CCNE2: variants seen among roughly 807,000 people sequenced by gnomAD.
The protein encoded by CCNE2 is cyclin E2.
In CCNE2, 18 loss-of-function variants were observed where a neutral mutation model predicts 56.8. The ratio of observed to expected loss-of-function variants is 0.32; its 90% CI spans 0.22 to 0.47. CCNE2 has a LOEUF of 0.47. Among genes scored for constraint, CCNE2 ranks in the 20% least tolerant of loss-of-function variants. The pLI is 1.00. For missense variants in CCNE2, 371 were observed against 467.1 expected, an observed-to-expected ratio of 0.79 and a Z score of 1.90; for synonymous variants, 139 against 149.2, an observed-to-expected ratio of 0.93 and a Z score of 0.50.
Position 94,880,430 on chromosome 8 carries a change from C to T in CCNE2, c.*1202G>A. ...CGTAACAATAAATGTATAGTTTCTT[C>T]AAAGGGAGAAGAGATTCACATATCT... On this transcript the variant is annotated 3_prime_UTR_variant, in exon 12 of 12. Coordinates refer to ENST00000308108, the MANE Select transcript of CCNE2 (RefSeq NM_057749.3). 2.8e-6 allele frequency: 1 copy of T among 362,580 alleles called. No homozygotes were observed. The highest frequency in any genetic ancestry group is 4.9e-6 in the Non-Finnish European group (1 of 203,350). 22.5% of individuals were successfully genotyped at this position (362,580 alleles called of 1,614,324 possible).
In CCNE2 at chr8:94,881,366, A is replaced by AT; in HGVS notation, c.*265_*266insA. On this transcript the variant is annotated 3_prime_UTR_variant, in exon 12 of 12. Coordinates refer to ENST00000308108, the MANE Select transcript of CCNE2 (RefSeq NM_057749.3). ...AAGGAAAAACATTGCTATGGTATAG[A>AT]CTGTGGTTGGCTTCTATCCAGTAAC... 1 of 500,792 alleles carries AT rather than the reference A, an allele frequency of 2.0e-6. No individual in the cohort carries two copies. The highest frequency in any genetic ancestry group is 3.5e-6 in the Non-Finnish European group (1 of 283,746). 31.0% of individuals were successfully genotyped at this position (500,792 alleles called of 1,614,324 possible).
chr8:94,885,660 A>C, intron 7 of CCNE2, 102 bp from the exon 8 acceptor site: 1 of 523,298 alleles, frequency 1.9e-6, no homozygotes, highest in Non-Finnish European at 3.4e-6. Flanking sequence ...CCAAAATATC[A>C]TTTAAGTAGA....
At chr8:94,892,519 T>G (rs992066209) in intron 5 of CCNE2, among the ~76,000 whole-genome samples, 2 of 152,202 alleles carry the variant, frequency 1.3e-5, no homozygotes, top group African/African-American at 4.8e-5. Flanking sequence ...AATAAAAATT[T>G]TAAAGGAAAA....
chr8:94,893,876 C>G lies in CCNE2; in HGVS notation c.165+15G>C. 6.2e-7 allele frequency: 1 copy of G among 1,612,252 alleles called. No individual in the cohort carries two copies. Among genetic ancestry groups the G allele is most frequent in the Non-Finnish European group, 8.5e-7 (1 of 1,178,394 alleles). On this transcript the variant is annotated intron_variant, in intron 4 of 11. Transcript: ENST00000308108. ...CATTTTTCCCCCAAACCCACCCAGC[C>G]CAGTTCTGCATTACCCTAATTTCAT...
At chr8:94,881,912 ACT>A (rs1816833122) in intron 11 of CCNE2, 167 bp from the exon 12 acceptor site, 1 of 889,310 alleles carries the variant, frequency 1.1e-6, no homozygotes, top group East Asian at 2.7e-5. Context: ...TATTTTTTAA[ACT>A]CTTTATCTAG....
chr8:94,883,896 A>T, intron 9 of CCNE2: 1 of 456,282 alleles, frequency 2.2e-6, no homozygotes, highest in South Asian at 1.5e-5. Flanking sequence ...TCATTGGTCC[A>T]GAAGGTAGGA....
rs773084730 is a variant in CCNE2 at position 94,881,627 on chromosome 8, C to CTTCTT, written c.1215_*4dup. 1 of 1,610,800 alleles carries CTTCTT rather than the reference C, an allele frequency of 6.2e-7. No individual in the cohort carries two copies. The highest frequency in any genetic ancestry group is 1.3e-5 in the African/African-American group (1 of 74,568). ...AATTCCAACTTGTTTGCTTAGTTAT[C>CTTCTT]TTCTTTAGTGTTTTCCTGGTGGTTT... On this transcript the variant is annotated 3_prime_UTR_variant, in exon 12 of 12. Transcript: ENST00000308108.
chr8:94,892,192 GT>G lies in CCNE2; in HGVS notation c.317+625del, dbSNP rs28399559. The stretch of plus-strand genomic sequence containing the variant: ...CAAAAAAGTTAAACACATAAGGCAT[GT>G]GATCACAGTCAAGAGAAGTCTCAAT... On this transcript the variant is annotated intron_variant, in intron 5 of 11. Transcript: ENST00000308108. The G allele has an allele frequency of 2.0e-3, 838 of 424,612 alleles. 15 individuals are homozygous for G. The highest frequency in any genetic ancestry group is 0.014 in the South Asian group (731 of 52,462). 26.3% of individuals were successfully genotyped at this position (424,612 alleles called of 1,614,324 possible). A position where few individuals can be genotyped will look rare whatever the true frequency, so the allele number is the denominator to read the frequency against.
intron 8 of CCNE2, 49 bp downstream of exon 8, chr8:94,885,414 T>A: frequency 2.5e-6 from 3 of 1,176,792 alleles, no homozygotes; most frequent in South Asian, 1.3e-5. Flanking sequence ...TTATGTTACT[T>A]AGTAACATGG....
intron 1 of CCNE2, 138 bp downstream of exon 1, chr8:94,895,039 G>A (rs1292954765): frequency 3.1e-6 from 1 of 322,690 alleles, no homozygotes; most frequent in Non-Finnish European, 4.5e-6. Context: ...GGGACGGAAC[G>A]CGGGAACCCA....
intron 9 of CCNE2, 98 bp downstream of exon 9, chr8:94,884,969 T>A: frequency 9.6e-7 from 1 of 1,038,774 alleles, no homozygotes; most frequent in South Asian, 1.7e-5. Context: ...AGGAGTGAAG[T>A]CAATATGTCA....
chr8:94,890,624 G>C (rs1036849819), intron 5 of CCNE2, 74 bp from the exon 6 acceptor site: 1 of 393,914 alleles, frequency 2.5e-6, no homozygotes, highest in Non-Finnish European at 3.6e-6. Flanking sequence ...ACAGAGTCTC[G>C]CTCTGTGGCC....
At chr8:94,883,755 TA>T (rs1157225871) in intron 9 of CCNE2, 1 of 320,918 alleles carries the variant, frequency 3.1e-6, no homozygotes, top group Admixed American at 2.8e-5. Context: ...TGAGATTAGT[TA>T]AAAGGCTGTA....
chr8:94,885,286 T>G (rs1051099423), intron 8 of CCNE2, 85 bp from the exon 9 acceptor site: 1 of 1,294,228 alleles, frequency 7.7e-7, no homozygotes, highest in African/African-American at 1.5e-5. Context: ...GTTAAGTACA[T>G]TCCCCATCCA....
Position 94,881,577 on chromosome 8 carries a change from A to C in CCNE2, c.*55T>G. On this transcript the variant is annotated 3_prime_UTR_variant, in exon 12 of 12. Coordinates refer to ENST00000308108, the MANE Select transcript of CCNE2 (RefSeq NM_057749.3). ...TCTGTAAAACTTTAGTAGTTCAGTG[A>C]TACCAGTTCTACCCAATCTTGGTGA... The C allele has an allele frequency of 1.9e-6, 3 of 1,576,228 alleles. No homozygotes were observed. Among genetic ancestry groups the C allele is most frequent in the Middle Eastern group, 1.7e-4 (1 of 5,924 alleles).
chr8:94,881,422 T>C lies in CCNE2; in HGVS notation c.*210A>G, dbSNP rs1251795965. The C allele has an allele frequency of 1.8e-6, 1 of 547,162 alleles. No individual in the cohort carries two copies. The highest frequency in any genetic ancestry group is 3.2e-6 in the Non-Finnish European group (1 of 313,746). 33.9% of individuals were successfully genotyped at this position (547,162 alleles called of 1,614,324 possible). A position where few individuals can be genotyped will look rare whatever the true frequency, so the allele number is the denominator to read the frequency against. ...GAATGAAGACATCTTTGTAAACAAG[T>C]CCTGCTGTTTCTTTAACAGCTAACA... is the stretch of plus-strand genomic sequence containing the variant. On this transcript the variant is annotated 3_prime_UTR_variant, in exon 12 of 12. Transcript: ENST00000308108.
chr8:94,893,004 C>T, intron 4 of CCNE2, 35 bp from the exon 5 acceptor site: 2 of 1,498,166 alleles, frequency 1.3e-6, no homozygotes, highest in Non-Finnish European at 1.8e-6. Context: ...TCAATTTGTG[C>T]AAGGAAAACC....
chr8:94,891,758 G>C lies in CCNE2; in HGVS notation c.317+1060C>G, dbSNP rs556038849. ...TGACATTACAATGGTGGAGTTGGTA[G>C]GTGTACCCAGGCCAAGCAGTGGGAC... On this transcript the variant is annotated intron_variant, in intron 5 of 11. Transcript: ENST00000308108. 58 of 1,136,616 alleles carry C rather than the reference G, an allele frequency of 5.1e-5. No individual in the cohort carries two copies. The African/African-American group carries it at 7.9e-4, about 16-fold the overall frequency. The allele number at this position is 1,136,616 out of a possible 1,614,324, so 70.4% of individuals were successfully genotyped here. A position where few individuals can be genotyped will look rare whatever the true frequency, so the allele number is the denominator to read the frequency against.
At chr8:94,894,723 T>C (rs1817403060) in intron 1 of CCNE2, 1 of 153,816 alleles carries the variant, frequency 6.5e-6, no homozygotes, top group East Asian at 1.9e-4. Flanking sequence ...GAACCAAGAC[T>C]GGTGTCACGG....
Sources: gnomAD v4.1 joint callset for allele counts (sites outside exome capture counted in the v4.1 genomes callset) on GRCh38, gnomAD v4.1.1 for gene constraint, MANE v1.5 for transcripts, NCBI Gene and HGNC (gene_info 2026-07-23, HGNC 2026-07-21) for gene names.